ARSA: variants seen among roughly 807,000 people sequenced by gnomAD.
ARSA encodes arylsulfatase A.
Under a neutral mutation model 37.8 loss-of-function variants are expected in ARSA, and 32 were observed. The ratio of observed to expected loss-of-function variants is 0.85; its 90% CI spans 0.64 to 1.14. ARSA has a LOEUF of 1.14. ARSA is among the 50% of genes most tolerant of loss of function. ARSA has a pLI of 0.00. For synonymous variants in ARSA, 303 were observed against 303.4 expected (o/e 1.00, Z 0.01); for missense variants, 685 against 686.3 (o/e 1.00, Z 0.02).
rs6151428 is a variant in ARSA at position 50,625,182 on chromosome 22, C to G, written c.1493G>C (p.Arg498Pro). ...ATCTGGGCAATGGCAGCAAGCTGGG[C>G]GGGGGGTGCAGCCAGGATGACAGCA... ...QICCHPGCTP[R>P]PACCHCPDPH... Residue 498 changes from arginine to proline, a missense_variant, in exon 8 of 8, where the codon CGC (arginine) becomes CCC (proline). Physicochemically the swap from Arg to Pro is moderately radical, Grantham distance 103. Coordinates refer to ENST00000216124, the MANE Select transcript of ARSA (RefSeq NM_000487.6). 6.9e-6 allele frequency: 11 copies of G among 1,594,478 alleles called. No homozygotes were observed. The highest frequency in any genetic ancestry group is 1.3e-5 in the African/African-American group (1 of 74,646).
chr22:50,626,551 C>T lies in ARSA; in HGVS notation c.854+40G>A, dbSNP rs373590300. ...CTGCAAGGCCTCCAGGGCCCTGGCC[C>T]GTGACAGGGCCGGAGCACCCAGCTG... is the stretch of plus-strand genomic sequence containing the variant. On this transcript the variant is annotated intron_variant, in intron 4 of 7. Coordinates refer to ENST00000216124, the MANE Select transcript of ARSA (RefSeq NM_000487.6). 1,167 of 1,607,578 alleles carry T rather than the reference C, an allele frequency of 7.3e-4. 15 individuals are homozygous for T. In the South Asian group the frequency reaches 0.012, roughly 16 times the overall value.
At chr22:50,625,501 C>T (rs772169618) in intron 7 of ARSA, 37 bp from the exon 8 acceptor site, 9 of 1,604,372 alleles carry the variant, frequency 5.6e-6, no homozygotes, top group Admixed American at 1.7e-5. Flanking sequence ...AGGGCAAGGG[C>T]GAGAGGAGGG....
chr22:50,625,073 TC>T lies in ARSA; in HGVS notation c.*71del, dbSNP rs1416351524. ...ATTACGTTATCAGGCACAAACCCCC[TC>T]CAGACACCTGAGCCTCCCCCACAGG... On this transcript the variant is annotated 3_prime_UTR_variant, in exon 8 of 8. Transcript: ENST00000216124. The T allele has an allele frequency of 1.4e-6, 2 of 1,434,534 alleles. No individual in the cohort carries two copies. Among genetic ancestry groups the T allele is most frequent in the Admixed American group, 5.4e-5 (2 of 36,840 alleles). 88.9% of individuals were successfully genotyped at this position (1,434,534 alleles called of 1,614,324 possible). A position where few individuals can be genotyped will look rare whatever the true frequency, so the allele number is the denominator to read the frequency against.
rs534934530 is a variant in ARSA, at chr22:50,626,459, G to C, written c.854+132C>G. ...ACTGTGTCTCCTGACTACACCTTGG[G>C]CCCCTGCAACGTGGCCAGCATCTCC... On this transcript the variant is annotated intron_variant, in intron 4 of 7. Transcript: ENST00000216124. 3.1e-5 allele frequency: 46 copies of C among 1,496,982 alleles called. No homozygotes were observed. In the South Asian group the frequency reaches 5.3e-4, roughly 17 times the overall value. 92.7% of individuals were successfully genotyped at this position (1,496,982 alleles called of 1,614,324 possible).
chr22:50,625,330 C>CG lies in ARSA; in HGVS notation c.1344dup (p.Gly449ArgfsTer124), dbSNP rs761555167. ...GCTTGCAGCACCTCTGGGGTGGCCC[C>CG]GGCCACACCCCCCAGCAGGTTGTAG... On this transcript the variant is annotated frameshift_variant, in exon 8 of 8. Transcript: ENST00000216124. LOFTEE classifies it low-confidence loss of function (END_TRUNC). The CG allele has an allele frequency of 3.7e-6, 6 of 1,612,174 alleles. No individual in the cohort carries two copies. The East Asian group carries it at 1.3e-4, about 36-fold the overall frequency.
rs1395793935 is a variant in ARSA at position 50,625,264 on chromosome 22, C to T, written c.1411G>A (p.Ala471Thr). The change falls in exon 8 of 8, where the codon GCT (alanine) becomes ACT (threonine). Residue 471 changes from alanine (A) to threonine (T), a missense_variant. Coordinates refer to ENST00000216124, the MANE Select transcript of ARSA (RefSeq NM_000487.6). Reference protein sequence around the residue: ...LQLLKAQLDAAVTFGPSQVAR... With the variant: ...LQLLKAQLDATVTFGPSQVAR... Reference sequence around the variant, plus strand: ...ACCTGGCTGGGGCCGAAGGTCACAGCTGCGTCTAACTGGGCCTTGAGCAGC... The same window carrying T: ...ACCTGGCTGGGGCCGAAGGTCACAGTTGCGTCTAACTGGGCCTTGAGCAGC... 6.2e-7 allele frequency: 1 copy of T among 1,612,632 alleles called. No homozygotes were observed. The highest frequency in any genetic ancestry group is 1.3e-5 in the African/African-American group (1 of 75,050).
In ARSA at chr22:50,624,449, C is replaced by A. The variant is rs1477499614; in HGVS notation, c.*696G>T. ...TGGGTCAAAAGGTGAAGGCAGGAGA[C>A]AGAAGTGTGGGCACAGGTGAAATGC... On this transcript the variant is annotated 3_prime_UTR_variant, in exon 8 of 8. Coordinates refer to ENST00000216124, the MANE Select transcript of ARSA (RefSeq NM_000487.6). Among the ~76,000 whole-genome samples the A allele has an allele frequency of 1.3e-5, 2 of 152,124 alleles. No individual in the cohort carries two copies. Among genetic ancestry groups the A allele is most frequent in the African/African-American group, 4.8e-5 (2 of 41,418 alleles).
At position 50,626,926 on chromosome 22, in the gene ARSA, C is replaced by T. The variant is rs144393886; in HGVS notation, c.592G>A (p.Gly198Arg). Residue 198 changes from glycine to arginine, a missense_variant, in exon 3 of 8, where the codon GGA (glycine) becomes AGA (arginine). Transcript: ENST00000216124. ...AAAGCCATGTAGCGGGCCTCTAGTC[C>T]GGGCAGCCAGGGGGGCTGCGCCTCC... ...SVEAQPPWLP[G>R]LEARYMAFAH... The T allele has an allele frequency of 3.3e-5, 53 of 1,613,278 alleles. 1 individual carries two copies. The highest frequency in any genetic ancestry group is 1.6e-4 in the Middle Eastern group (1 of 6,062).
In ARSA at chr22:50,626,672, G is replaced by A; in HGVS notation, c.773C>T (p.Ala258Val). 6.2e-7 allele frequency: 1 copy of A among 1,614,150 alleles called. No individual in the cohort carries two copies. The highest frequency in any genetic ancestry group is 8.5e-7 in the Non-Finnish European group (1 of 1,180,034). ...GGCTGTCATCAGGGTCCCCACAGCTGCATCCAGCTCCATCAGGGAGTCCCC... is the reference window on the plus strand; with the variant it reads ...GGCTGTCATCAGGGTCCCCACAGCTACATCCAGCTCCATCAGGGAGTCCCC... ...PFGDSLMELD[A>V]AVGTLMTAIG... Residue 258 changes from alanine (A) to valine (V), a missense_variant, in exon 4 of 8, where the codon GCA becomes GTA. Physicochemically the swap from Ala to Val is moderately conservative, Grantham distance 64. Coordinates refer to ENST00000216124, the MANE Select transcript of ARSA (RefSeq NM_000487.6).
rs753415648 is a variant in ARSA at position 50,627,663 on chromosome 22, GCCCAGGTC to G, written c.109_116del (p.Asp37LeufsTer36). The G allele has an allele frequency of 4.5e-6, 7 of 1,558,772 alleles. No individual in the cohort carries two copies. Among genetic ancestry groups the G allele is most frequent in the Non-Finnish European group, 6.1e-6 (7 of 1,151,076 alleles). ...TGGTAGAGCTGGGGTGCCCATAGCA[GCCCAGGTC>G]CCCATAGCCGAGGTCGTCGGCAAAG... On this transcript the variant is annotated frameshift_variant, in exon 1 of 8. Transcript: ENST00000216124. LOFTEE classifies it high-confidence loss of function.
rs962785181 is a variant in ARSA at position 50,624,405 on chromosome 22, G to T, written c.*740C>A. Among the ~76,000 whole-genome samples, 4 of 152,176 alleles carry T rather than the reference G, an allele frequency of 2.6e-5. No homozygotes were observed. The highest frequency in any genetic ancestry group is 5.9e-5 in the Non-Finnish European group (4 of 68,040). On this transcript the variant is annotated 3_prime_UTR_variant, in exon 8 of 8. Transcript: ENST00000216124. ...TTTTAAGAGATCACTTTGTCTGCTG[G>T]GTGGAGAATCGTTAGTAGTGGGTCA... is the stretch of plus-strand genomic sequence containing the variant.
chr22:50,626,015 G>A lies in ARSA; in HGVS notation c.1028C>T (p.Ala343Val), dbSNP rs376451746. 3.2e-6 allele frequency: 5 copies of A among 1,581,952 alleles called. No individual in the cohort carries two copies. The African/African-American group carries it at 5.3e-5, about 17-fold the overall frequency. Residue 343 changes from alanine (A) to valine (V), a missense_variant, in exon 6 of 8, where the codon GCA (alanine) becomes GTA (valine). Physicochemically the swap from Ala to Val is moderately conservative, Grantham distance 64. Transcript: ENST00000216124. ...ASSLDLLPTL[A>V]ALAGAPLPNV... ...GGGCAGTGGGGCCCCAGCCAGGGCT[G>A]CCAGGGTAGGCAGCAGGTCCAGGGA... is the stretch of plus-strand genomic sequence containing the variant.
Position 50,626,857 on chromosome 22 carries a change from A to T in ARSA, c.661T>A (p.Phe221Ile). The T allele has an allele frequency of 6.2e-7, 1 of 1,613,430 alleles. No individual in the cohort carries two copies. The highest frequency in any genetic ancestry group is 8.5e-7 in the Non-Finnish European group (1 of 1,179,736). The part of the protein sequence containing the change: ...MADAQRQDRP[F>I]FLYYASHHTH... ...ACGTGAGAGGCATAGTACAGGAAGAAGGGGCGATCCTGGCGCTGGGCGTCG... is the reference window on the plus strand; with the variant it reads ...ACGTGAGAGGCATAGTACAGGAAGATGGGGCGATCCTGGCGCTGGGCGTCG... The change falls in exon 3 of 8, where the codon TTC becomes ATC. Residue 221 changes from phenylalanine to isoleucine, a missense_variant. Coordinates refer to ENST00000216124, the MANE Select transcript of ARSA (RefSeq NM_000487.6).
In ARSA at chr22:50,627,330, C is replaced by T. The variant is rs1013216151; in HGVS notation, c.301G>A (p.Gly101Ser). ...ACGGTCACCTCCTCCAGGGGCAGGC[C>T]CCCCCGGGAGCTGGGCACCAGGACG... ...PGVLVPSSRGGLPLEEVTVAE... is the reference protein window; with the variant it reads ...PGVLVPSSRGSLPLEEVTVAE... The change falls in exon 2 of 8, where the codon GGC becomes AGC. Residue 101 changes from glycine to serine, a missense_variant. Transcript: ENST00000216124. 1.9e-6 allele frequency: 3 copies of T among 1,591,010 alleles called. No individual in the cohort carries two copies.
At position 50,625,474 on chromosome 22, in the gene ARSA, G is replaced by A. The variant is rs398123413; in HGVS notation, c.1211-10C>T. On this transcript the variant is annotated splice_polypyrimidine_tract_variant and intron_variant, in intron 7 of 7. Coordinates refer to ENST00000216124, the MANE Select transcript of ARSA (RefSeq NM_000487.6). ...TCACTGTGGGCAGAGCCTGGGGAGG[G>A]GGCCAATTCTGTGCACAGGGCAAGG... 1.8e-5 allele frequency: 29 copies of A among 1,606,742 alleles called. No homozygotes were observed. The South Asian group carries it at 2.4e-4, about 13-fold the overall frequency.
rs1603444965 is a variant in ARSA at position 50,626,749 on chromosome 22, G to A, written c.696C>T (p.Tyr232=). 12 of 1,613,042 alleles carry A rather than the reference G, an allele frequency of 7.4e-6. No individual in the cohort carries two copies. The highest frequency in any genetic ancestry group is 1.1e-5 in the South Asian group (1 of 91,080). The change falls in exon 4 of 8, where the codon TAC becomes TAT. Residue 232 remains tyrosine, a synonymous_variant. Transcript: ENST00000216124. ...FLYYASHHTH[Y]PQFSGQSFAE... is the part of the protein sequence containing the mutation. The stretch of plus-strand genomic sequence containing the variant: ...CAAAGCTCTGCCCACTGAACTGAGG[G>A]TAGTGGGTGTGCTGGGGGCAAAGAC...
chr22:50,626,077 G>A lies in ARSA; in HGVS notation c.980-14C>T. On this transcript the variant is annotated splice_polypyrimidine_tract_variant and intron_variant, in intron 5 of 7. Transcript: ENST00000216124. ...CGTGGGTCACGCCTGGGGGCAGGAG[G>A]CTGGTCAGTCACTCAGTTCGCCATC... The A allele has an allele frequency of 2.5e-6, 4 of 1,598,326 alleles. No individual in the cohort carries two copies. Among genetic ancestry groups the A allele is most frequent in the South Asian group, 1.1e-5 (1 of 88,144 alleles).
In ARSA at chr22:50,623,638, C is replaced by T. The variant is rs893214383; in HGVS notation, c.*1507G>A. 2.0e-5 allele frequency: 3 copies of T among 152,124 alleles called. No individual in the cohort carries two copies. Among genetic ancestry groups the T allele is most frequent in the African/African-American group, 7.2e-5 (3 of 41,408 alleles). 9.4% of individuals were successfully genotyped at this position (152,124 alleles called of 1,614,324 possible). A position where few individuals can be genotyped will look rare whatever the true frequency, so the allele number is the denominator to read the frequency against. On this transcript the variant is annotated 3_prime_UTR_variant, in exon 8 of 8. Coordinates refer to ENST00000216124, the MANE Select transcript of ARSA (RefSeq NM_000487.6). The stretch of plus-strand genomic sequence containing the variant: ...TGTTGGCCAGGTGTGGTGGTTCACA[C>T]CTGTAATCCCAGCACTTTGGGAGGC...
chr22:50,625,381 C>T lies in ARSA; in HGVS notation c.1294G>A (p.Asp432Asn). The change falls in exon 8 of 8, where the codon GAC (aspartate) becomes AAC (asparagine). Residue 432 changes from aspartate to asparagine, a missense_variant. Physicochemically the swap from Asp to Asn is conservative, Grantham distance 23 (BLOSUM62 1). Coordinates refer to ENST00000216124, the MANE Select transcript of ARSA (RefSeq NM_000487.6). ...LTAHEPPLLY[D>N]LSKDPGENYN... ...TTCTCACCAGGGTCCTTGGACAGGT[C>T]ATAGAGCAGCGGGGGCTCATGAGCA... 1 of 1,603,024 alleles carries T rather than the reference C, an allele frequency of 6.2e-7. No homozygotes were observed. The highest frequency in any genetic ancestry group is 8.5e-7 in the Non-Finnish European group (1 of 1,172,770).
Sources: allele counts gnomAD v4.1 joint callset (sites outside exome capture counted in the v4.1 genomes callset), GRCh38; gene constraint gnomAD v4.1.1; transcripts MANE v1.5; gene names NCBI Gene and HGNC (gene_info 2026-07-23, HGNC 2026-07-21).